The following CYBA variants were observed in gnomAD, a reference collection of about 807,000 sequenced individuals.
CYBA encodes cytochrome b-245 light chain.
A neutral mutation model predicts 20.8 loss-of-function variants in CYBA; 21 were observed. The ratio of observed to expected loss-of-function variants is 1.01; its 90% CI spans 0.72 to 1.46. CYBA has a LOEUF of 1.46. Among genes scored for constraint, CYBA ranks in the 40% most tolerant of loss-of-function variants. The pLI, the probability that CYBA is intolerant of heterozygous loss-of-function variation, is 0.00. For synonymous variants in CYBA, 164 were observed against 127.5 expected (o/e 1.29, Z -1.93); for missense variants, 344 against 287.0 (o/e 1.20, Z -1.43).
At chr16:88,648,732 C>T (rs1907386038) in intron 1 of CYBA, among the ~76,000 whole-genome samples, 1 of 151,608 alleles carries the variant, frequency 6.6e-6, no homozygotes, top group Non-Finnish European at 1.5e-5. Context: ...ATTCTCCTGC[C>T]TCAGCCTCCT....
chr16:88,644,534 A>C (rs977123670), intron 5 of CYBA, among the ~76,000 whole-genome samples: 1 of 152,224 alleles, frequency 6.6e-6, no homozygotes, highest in Non-Finnish European at 1.5e-5. Context: ...CTTAAGAAAA[A>C]GACAATCAGG....
chr16:88,645,144 C>T (rs1037765250), intron 5 of CYBA: 8 of 700,822 alleles, frequency 1.1e-5, no homozygotes, highest in African/African-American at 5.2e-5. Flanking sequence ...CAAGGAATTC[C>T]TCCCGAGGTC....
At chr16:88,648,597 AT>A (rs1907378122) in intron 1 of CYBA, among the ~76,000 whole-genome samples, 1 of 143,988 alleles carries the variant, frequency 6.9e-6, no homozygotes. Flanking sequence ...TTGGGGGGGT[AT>A]TGTCCAATAT....
At chr16:88,647,611 C>T (rs1907336672) in intron 2 of CYBA, 9 of 368,612 alleles carry the variant, frequency 2.4e-5, no homozygotes, top group South Asian at 2.1e-4. Context: ...ACAGGTCTGG[C>T]ACTCGGGGCT....
Position 88,643,320 on chromosome 16 carries a change from T to C in CYBA, c.*33A>G, listed in dbSNP as rs776276877. 5 of 1,429,608 alleles carry C rather than the reference T, an allele frequency of 3.5e-6. No homozygotes were observed. The highest frequency in any genetic ancestry group is 3.0e-5 in the African/African-American group (2 of 66,806). 88.6% of individuals were successfully genotyped at this position (1,429,608 alleles called of 1,614,324 possible). On this transcript the variant is annotated 3_prime_UTR_variant, in exon 6 of 6. Coordinates refer to ENST00000261623, the MANE Select transcript of CYBA (RefSeq NM_000101.4). This position sits in a 1 kb window ranked among gnomAD's most constrained non-coding sequence, Gnocchi z 4.3. The stretch of plus-strand genomic sequence containing the variant: ...CTTCGCTGCATTTATTGCAGGTGGG[T>C]GCACCTGGCGGGAGGGCAGGTCCGG...
In CYBA at chr16:88,643,578, G is replaced by T; in HGVS notation, c.370-7C>A. 1 of 1,532,034 alleles carries T rather than the reference G, an allele frequency of 6.5e-7. No individual in the cohort carries two copies. 94.9% of individuals were successfully genotyped at this position (1,532,034 alleles called of 1,614,324 possible). On this transcript the variant is annotated splice_region_variant and splice_polypyrimidine_tract_variant and intron_variant, in intron 5 of 5. Coordinates refer to ENST00000261623, the MANE Select transcript of CYBA (RefSeq NM_000101.4). This position sits in a 1 kb window ranked among gnomAD's most constrained non-coding sequence, Gnocchi z 4.3. ...GCTCGCCACGCACAGCCGCCTGCGG[G>T]GCACTGAAGGGTTGAGCCGCGCCCC...
At chr16:88,644,841 A>G (rs986921180) in intron 5 of CYBA, 1 of 363,952 alleles carries the variant, frequency 2.7e-6, no homozygotes, top group Non-Finnish European at 5.1e-6. Context: ...AAAAGAAGAA[A>G]AAGAAAAATA....
chr16:88,648,156 C>T (rs1318903057), intron 1 of CYBA, 42 bp from the exon 2 acceptor site: 7 of 1,573,256 alleles, frequency 4.4e-6, no homozygotes, highest in East Asian at 4.6e-5. Context: ...GCTCCCGTCC[C>T]GGGGGCCTGG....
intron 5 of CYBA, chr16:88,645,522 G>A (rs1214128800): frequency 1.5e-5 from 10 of 669,242 alleles, no homozygotes; most frequent in African/African-American, 3.5e-5. Context: ...CGTCTGTTCC[G>A]GAGCCCAGGG....
At chr16:88,646,042 T>C in intron 5 of CYBA, 74 bp downstream of exon 5, 1 of 1,277,896 alleles carries the variant, frequency 7.8e-7, no homozygotes, top group Non-Finnish European at 1.1e-6. Flanking sequence ...TCAAGGGCCA[T>C]GCGTGTCCGA....
At position 88,643,507 on chromosome 16, in the gene CYBA, C is replaced by T. The variant is rs1907160648; in HGVS notation, c.434G>A (p.Gly145Glu). The T allele has an allele frequency of 6.5e-7, 1 of 1,534,500 alleles. No homozygotes were observed. Among genetic ancestry groups the T allele is most frequent in the African/African-American group, 1.4e-5 (1 of 72,818 alleles). ...EPKPRERPQI[G>E]GTIKQPPSNP... ...GCTGGGCGGCTGCTTGATGGTGCCT[C>T]CGATCTGCGGCCGCTCCCGGGGCTT... The change falls in exon 6 of 6, where the codon GGA (glycine) becomes GAA (glutamate). Residue 145 changes from glycine (G) to glutamate (E), a missense_variant. By Grantham distance (98) the Gly-to-Glu change is moderately conservative. Coordinates refer to ENST00000261623, the MANE Select transcript of CYBA (RefSeq NM_000101.4). The surrounding 1 kb of genome is among the most constrained non-coding windows in gnomAD (Gnocchi z 4.3).
At chr16:88,650,809 T>A in intron 1 of CYBA, 147 bp downstream of exon 1, 8 of 810,336 alleles carry the variant, frequency 9.9e-6, no homozygotes, top group Non-Finnish European at 1.2e-5. Flanking sequence ...CCCGCCCCCG[T>A]TCCCCGCACC....
intron 5 of CYBA, chr16:88,645,231 C>T: frequency 1.4e-6 from 1 of 702,390 alleles, no homozygotes; most frequent in Non-Finnish European, 2.6e-6. Flanking sequence ...AAAGCAACAG[C>T]CCAGATGAGC....
At position 88,643,575 on chromosome 16, in the gene CYBA, C is replaced by T. The variant is rs560810774; in HGVS notation, c.370-4G>A. The T allele has an allele frequency of 7.2e-6, 11 of 1,532,348 alleles. No individual in the cohort carries two copies. In the East Asian group the frequency reaches 1.2e-4, roughly 17 times the overall value. The allele number at this position is 1,532,348 out of a possible 1,614,324, so 94.9% of individuals were successfully genotyped here. A position where few individuals can be genotyped will look rare whatever the true frequency, so the allele number is the denominator to read the frequency against. On this transcript the variant is annotated splice_region_variant and splice_polypyrimidine_tract_variant and intron_variant, in intron 5 of 5. Transcript: ENST00000261623. The surrounding 1 kb of genome is among the most constrained non-coding windows in gnomAD (Gnocchi z 4.3). Reference sequence around the variant, plus strand: ...ACTGCTCGCCACGCACAGCCGCCTGCGGGGCACTGAAGGGTTGAGCCGCGC... The same window carrying T: ...ACTGCTCGCCACGCACAGCCGCCTGTGGGGCACTGAAGGGTTGAGCCGCGC...
intron 1 of CYBA, among the ~76,000 whole-genome samples, chr16:88,649,225 C>T (rs1907418365): frequency 6.6e-6 from 1 of 152,374 alleles, no homozygotes; most frequent in Admixed American, 6.5e-5. Context: ...GTGTAGCCAC[C>T]TTGCCCTGCC....
At chr16:88,648,373 C>A (rs554551021) in intron 1 of CYBA, among the ~76,000 whole-genome samples, 1 of 152,118 alleles carries the variant, frequency 6.6e-6, no homozygotes, top group Non-Finnish European at 1.5e-5. Flanking sequence ...AAGGACAGCC[C>A]GACCTGCAGG....
rs779140893 is a variant in CYBA at position 88,646,184 on chromosome 16, C to T, written c.301G>A (p.Ala101Thr). The T allele has an allele frequency of 8.2e-5, 128 of 1,554,890 alleles. No homozygotes were observed. The highest frequency in any genetic ancestry group is 1.0e-4 in the Non-Finnish European group (115 of 1,152,698). ...AGGATGGTGGCCAGCAGGAAGCCGG[C>T]GGGCACCGAGAGCCTGGGGGACAGC... ...AVLHLLLSVP[A>T]GFLLATILGT... Residue 101 changes from alanine to threonine, a missense_variant, in exon 5 of 6, where the codon GCC (alanine) becomes ACC (threonine). Coordinates refer to ENST00000261623, the MANE Select transcript of CYBA (RefSeq NM_000101.4).
intron 5 of CYBA, 40 bp downstream of exon 5, chr16:88,646,076 A>C: frequency 6.7e-7 from 1 of 1,496,848 alleles, no homozygotes; most frequent in Non-Finnish European, 9.0e-7. Flanking sequence ...GGGGCTGGGG[A>C]TGGGGGTGGC....
chr16:88,643,528 G>A lies in CYBA; in HGVS notation c.413C>T (p.Pro138Leu), dbSNP rs1395224719. Residue 138 changes from proline (P) to leucine (L), a missense_variant, in exon 6 of 6, where the codon CCC becomes CTC. Pro to Leu is a moderately conservative substitution (Grantham distance 98, BLOSUM62 -3). Transcript: ENST00000261623. This position sits in a 1 kb window ranked among gnomAD's most constrained non-coding sequence, Gnocchi z 4.3. ...GCCTCCGATCTGCGGCCGCTCCCGG[G>A]GCTTGGGCTCGATGGGCGTCCACTG... ...GEQWTPIEPKPRERPQIGGTI... is the reference protein window; with the variant it reads ...GEQWTPIEPKLRERPQIGGTI... 6.5e-7 allele frequency: 1 copy of A among 1,535,174 alleles called. No homozygotes were observed. The highest frequency in any genetic ancestry group is 8.7e-7 in the Non-Finnish European group (1 of 1,146,868).
Sources: allele counts gnomAD v4.1 joint callset (sites outside exome capture counted in the v4.1 genomes callset), GRCh38; gene constraint gnomAD v4.1.1; non-coding constraint Gnocchi (gnomAD v3.1); transcripts MANE v1.5; gene names NCBI Gene and HGNC (gene_info 2026-07-23, HGNC 2026-07-21).